Variants in CSMD3 observed in about 807,000 individuals in gnomAD.
The protein encoded by CSMD3 is CUB and Sushi multiple domains 3, also known as CUB and sushi domain-containing protein 3.
In CSMD3, 177 loss-of-function variants were observed where a neutral mutation model predicts 435.2. The observed-to-expected ratio is 0.41, with a 90% confidence interval of 0.36 to 0.46. The LOEUF (loss-of-function observed/expected upper bound fraction) is 0.46, where lower values mean the gene tolerates loss of function less well. Ranked by LOEUF, CSMD3 falls within the 20% of genes least tolerant of loss-of-function variation. The pLI is 0.34. For synonymous variants in CSMD3, 1,656 were observed against 1,520.5 expected, an observed-to-expected ratio of 1.09 and a Z score of -2.07; for missense variants, 4,265 against 4,504.6, an observed-to-expected ratio of 0.95 and a Z score of 1.52.
At chr8:112,629,679 A>AGTG (rs988873879) in intron 22 of CSMD3, among the ~76,000 whole-genome samples, 2 of 152,206 alleles carry the variant, frequency 1.3e-5, no homozygotes, top group Admixed American at 6.5e-5. Context: ...GACTTTATCC[A>AGTG]GTGGGCAATG....
intron 3 of CSMD3, among the ~76,000 whole-genome samples, chr8:113,248,504 CAT>C (rs1259443071): frequency 5.4e-4 from 72 of 132,388 alleles, no homozygotes; most frequent in African/African-American, 1.9e-3. Flanking sequence ...TACACACACA[CAT>C]ATATTTCCAT....
chr8:113,302,295 A>ATAT (rs1356225665), intron 2 of CSMD3, among the ~76,000 whole-genome samples: 493 of 8,514 alleles, frequency 0.058, 7 homozygotes, highest in African/African-American at 0.31. Flanking sequence ...ATATAATATA[A>ATAT]TATAATATAT....
intron 3 of CSMD3, among the ~76,000 whole-genome samples, chr8:113,220,689 T>C (rs1037370956): frequency 6.6e-6 from 1 of 151,378 alleles, no homozygotes; most frequent in Non-Finnish European, 1.5e-5. Context: ...ATTGGAAATC[T>C]AGGAGCTTTT....
At chr8:112,963,020 T>C (rs2084288477) in intron 7 of CSMD3, among the ~76,000 whole-genome samples, 2 of 151,974 alleles carry the variant, frequency 1.3e-5, no homozygotes. Flanking sequence ...TTTGAAGCAG[T>C]AGACTCTATC....
intron 13 of CSMD3, among the ~76,000 whole-genome samples, chr8:112,721,289 T>A (rs1238648374): frequency 6.6e-6 from 1 of 152,070 alleles, no homozygotes; most frequent in East Asian, 1.9e-4. Context: ...AATGTTAAAA[T>A]ATTGGCCGGG....
At chr8:112,879,380 A>G (rs1052799987) in intron 10 of CSMD3, among the ~76,000 whole-genome samples, 2 of 151,982 alleles carry the variant, frequency 1.3e-5, no homozygotes, top group South Asian at 4.2e-4. Context: ...CTGCCCTTGA[A>G]CCGTGTTTCC....
intron 12 of CSMD3, among the ~76,000 whole-genome samples, chr8:112,809,651 C>T (rs1337221056): frequency 6.6e-6 from 1 of 152,158 alleles, no homozygotes; most frequent in African/African-American, 2.4e-5. Flanking sequence ...CACTTATTTC[C>T]AAACAGCTAG....
intron 4 of CSMD3, among the ~76,000 whole-genome samples, chr8:113,143,563 G>A (rs941218340): frequency 2.6e-5 from 4 of 151,382 alleles, no homozygotes; most frequent in Admixed American, 1.3e-4. Context: ...CCTTTAATGA[G>A]TAAGTAGTTA....
At chr8:113,381,108 G>A (rs2094413277) in intron 1 of CSMD3, among the ~76,000 whole-genome samples, 2 of 152,028 alleles carry the variant, frequency 1.3e-5, no homozygotes, top group Admixed American at 6.5e-5. Flanking sequence ...TAAAGTTGTC[G>A]AATTATTTTA....
At chr8:112,245,914 A>T (rs1208824910) in intron 64 of CSMD3, among the ~76,000 whole-genome samples, 1 of 152,210 alleles carries the variant, frequency 6.6e-6, no homozygotes, top group African/African-American at 2.4e-5. Flanking sequence ...GGAAAACTAC[A>T]GTCTGTCTCT....
chr8:112,688,295 A>C (rs1215330105), intron 14 of CSMD3, among the ~76,000 whole-genome samples: 1 of 152,100 alleles, frequency 6.6e-6, no homozygotes, highest in East Asian at 1.9e-4. Context: ...TTAAATTCTT[A>C]ATTATATAAG....
At chr8:112,433,350 T>C (rs1006014221) in intron 32 of CSMD3, among the ~76,000 whole-genome samples, 2 of 151,624 alleles carry the variant, frequency 1.3e-5, no homozygotes, top group African/African-American at 2.4e-5. Context: ...TTAGGTCTAA[T>C]TGTTACCTTT....
At chr8:113,295,648 T>C (rs915620221) in intron 2 of CSMD3, among the ~76,000 whole-genome samples, 1 of 152,168 alleles carries the variant, frequency 6.6e-6, no homozygotes, top group Non-Finnish European at 1.5e-5. Flanking sequence ...TCCTCGCACT[T>C]TGCAAGGCCC....
At chr8:112,418,131 A>T (rs1563922336) in intron 32 of CSMD3, among the ~76,000 whole-genome samples, 1 of 152,184 alleles carries the variant, frequency 6.6e-6, no homozygotes, top group African/African-American at 2.4e-5. Flanking sequence ...ATAAAGAAGG[A>T]TTCAAATCAA....
intron 3 of CSMD3, among the ~76,000 whole-genome samples, chr8:113,273,108 T>C (rs1023681956): frequency 6.6e-6 from 1 of 151,964 alleles, no homozygotes; most frequent in Non-Finnish European, 1.5e-5. Context: ...TGTATGAAAA[T>C]ACCACATATA....
intron 2 of CSMD3, among the ~76,000 whole-genome samples, chr8:113,297,493 T>C (rs992669801): frequency 2.0e-5 from 3 of 149,810 alleles, no homozygotes; most frequent in Non-Finnish European, 4.4e-5. Context: ...GAACAATAAA[T>C]TACTCCAATT....
intron 10 of CSMD3, among the ~76,000 whole-genome samples, chr8:112,896,054 T>A (rs1041469222): frequency 1.3e-5 from 2 of 151,532 alleles, no homozygotes; most frequent in Non-Finnish European, 3.0e-5. Flanking sequence ...TCCATTGATT[T>A]CAGGCTAACT....
intron 3 of CSMD3, among the ~76,000 whole-genome samples, chr8:113,258,779 A>G (rs1281340877): frequency 1.3e-5 from 2 of 152,128 alleles, no homozygotes; most frequent in Non-Finnish European, 2.9e-5. Context: ...GTAAAAAGGC[A>G]AGAGAGAAAG....
intron 22 of CSMD3, among the ~76,000 whole-genome samples, chr8:112,595,073 C>A (rs913572688): frequency 2.0e-5 from 3 of 151,130 alleles, no homozygotes; most frequent in Non-Finnish European, 3.0e-5. Context: ...CTCTGAGCTA[C>A]GGGAGGACAT....
Sources: allele counts gnomAD v4.1 joint callset (sites outside exome capture counted in the v4.1 genomes callset), GRCh38; gene constraint gnomAD v4.1.1; transcripts MANE v1.5; gene names NCBI Gene and HGNC (gene_info 2026-07-23, HGNC 2026-07-21).